RAB30: variants seen among roughly 807,000 people sequenced by gnomAD.
RAB30 encodes the protein ras-related protein Rab-30.
In RAB30, 9 loss-of-function variants were observed where a neutral mutation model predicts 25.1. That is an observed-to-expected ratio of 0.36 (90% CI 0.22 to 0.63). The LOEUF (loss-of-function observed/expected upper bound fraction) is 0.63. Among genes scored for constraint, RAB30 ranks in the 20% least tolerant of loss-of-function variants. The pLI, the probability that RAB30 is intolerant of heterozygous loss-of-function variation, is 0.69. For synonymous variants in RAB30, 77 were observed against 86.4 expected (o/e 0.89, Z 0.60); for missense variants, 140 against 243.5 (o/e 0.58, Z 2.83).
At chr11:83,039,491 C>T (rs1384725017) in intron 1 of RAB30, among the ~76,000 whole-genome samples, 2 of 152,122 alleles carry the variant, frequency 1.3e-5, no homozygotes, top group Non-Finnish European at 2.9e-5. Context: ...CCAGCCTGGG[C>T]AACATGGCAA....
At chr11:83,014,646 GAA>G (rs1274942731) in intron 1 of RAB30, among the ~76,000 whole-genome samples, 8 of 109,466 alleles carry the variant, frequency 7.3e-5, no homozygotes, top group African/African-American at 3.0e-4. Flanking sequence ...AAGAAAGAAA[GAA>G]AGAAAGAAAG....
chr11:82,997,500 G>A (rs1253849456), intron 1 of RAB30, 176 bp from the exon 2 acceptor site: 8 of 574,372 alleles, frequency 1.4e-5, no homozygotes, highest in African/African-American at 3.8e-5. Context: ...GGTCACAGAC[G>A]GACTTTATTC....
intron 1 of RAB30, among the ~76,000 whole-genome samples, chr11:83,065,196 TG>T (rs1858667630): frequency 6.6e-6 from 1 of 152,058 alleles, no homozygotes; most frequent in Non-Finnish European, 1.5e-5. Flanking sequence ...AAGACTAGCC[TG>T]GGCAACATAG....
Position 82,986,287 on chromosome 11 carries a change from C to G in RAB30, c.361+1300G>C, listed in dbSNP as rs548040317. Among the ~76,000 whole-genome samples the G allele has an allele frequency of 9.9e-5, 15 of 152,272 alleles. No homozygotes were observed. The South Asian group carries it at 3.1e-3, about 32-fold the overall frequency. On this transcript the variant is annotated intron_variant, in intron 4 of 4. Transcript: ENST00000527633. ...GGTCATGAGTTGGTAACTGTGAAAGCTGGGAGATGTGTAGAAGGGGATTCA... is the reference window on the plus strand; with the variant it reads ...GGTCATGAGTTGGTAACTGTGAAAGGTGGGAGATGTGTAGAAGGGGATTCA...
intron 1 of RAB30, among the ~76,000 whole-genome samples, chr11:83,067,246 G>A (rs1261956668): frequency 1.3e-5 from 2 of 152,142 alleles, no homozygotes; most frequent in Admixed American, 1.3e-4. Flanking sequence ...CATGGTGCAT[G>A]GAAAACTGTT....
In RAB30 at chr11:83,071,742, G is replaced by A. The variant is rs957239262; in HGVS notation, c.-60C>T. 1.7e-5 allele frequency: 4 copies of A among 232,690 alleles called. No homozygotes were observed. Among genetic ancestry groups the A allele is most frequent in the Non-Finnish European group, 3.3e-5 (4 of 121,224 alleles). 14.4% of individuals were successfully genotyped at this position (232,690 alleles called of 1,614,324 possible). A position where few individuals can be genotyped will look rare whatever the true frequency, so the allele number is the denominator to read the frequency against. The stretch of plus-strand genomic sequence containing the variant: ...CAGGCATAAACAGAAATGGATGTGC[G>A]AATGAGTCACGCACGCAAGGGAAGG... On this transcript the variant is annotated 5_prime_UTR_variant, in exon 1 of 5. Coordinates refer to ENST00000527633, the MANE Select transcript of RAB30 (RefSeq NM_001286060.2).
At chr11:82,991,147 G>A (rs1056455743) in intron 3 of RAB30, among the ~76,000 whole-genome samples, 4 of 152,070 alleles carry the variant, frequency 2.6e-5, no homozygotes, top group Admixed American at 6.6e-5. Flanking sequence ...GGGAAAGCCC[G>A]CAAACTACTA....
intron 1 of RAB30, among the ~76,000 whole-genome samples, chr11:83,020,508 T>C (rs1339240759): frequency 6.6e-6 from 1 of 152,230 alleles, no homozygotes; most frequent in East Asian, 1.9e-4. Flanking sequence ...CTGTTATGCC[T>C]GTTGCCACAA....
intron 1 of RAB30, among the ~76,000 whole-genome samples, chr11:83,052,700 A>G (rs1394499854): frequency 6.6e-6 from 1 of 152,220 alleles, no homozygotes; most frequent in Non-Finnish European, 1.5e-5. Flanking sequence ...TCTTAATCTT[A>G]TAGTTCAAGG....
At chr11:82,984,272 T>C (rs1462208922) in intron 4 of RAB30, among the ~76,000 whole-genome samples, 4 of 152,194 alleles carry the variant, frequency 2.6e-5, no homozygotes, top group African/African-American at 9.6e-5. Flanking sequence ...GGTGACTTCA[T>C]TTGAAGAGAC....
At chr11:83,029,594 C>T (rs1253977082) in intron 1 of RAB30, among the ~76,000 whole-genome samples, 1 of 152,052 alleles carries the variant, frequency 6.6e-6, no homozygotes, top group African/African-American at 2.4e-5. Flanking sequence ...ACAAATTCTA[C>T]ATCATATCAT....
At chr11:83,030,388 C>T (rs1857827260) in intron 1 of RAB30, among the ~76,000 whole-genome samples, 1 of 151,450 alleles carries the variant, frequency 6.6e-6, no homozygotes, top group African/African-American at 2.4e-5. Flanking sequence ...GTCCCAGCTT[C>T]TTGGGAGCCT....
chr11:83,058,257 G>A (rs1014409169), intron 1 of RAB30, among the ~76,000 whole-genome samples: 3 of 152,036 alleles, frequency 2.0e-5, no homozygotes, highest in Non-Finnish European at 4.4e-5. Flanking sequence ...TCAAAATCAG[G>A]AAATTAACAT....
chr11:82,983,162 AT>A (rs1428695234), intron 4 of RAB30, among the ~76,000 whole-genome samples: 3 of 152,094 alleles, frequency 2.0e-5, no homozygotes, highest in African/African-American at 4.8e-5. Flanking sequence ...CATTTTATTT[AT>A]TTTTTTAATA....
At chr11:83,021,527 C>T (rs771312448) in intron 1 of RAB30, among the ~76,000 whole-genome samples, 4 of 152,212 alleles carry the variant, frequency 2.6e-5, no homozygotes, top group Admixed American at 6.5e-5. Flanking sequence ...TTGAGCTGCC[C>T]GCCCGGCAGC....
At chr11:83,006,088 G>A (rs1321883821) in intron 1 of RAB30, among the ~76,000 whole-genome samples, 1 of 152,042 alleles carries the variant, frequency 6.6e-6, no homozygotes, top group Non-Finnish European at 1.5e-5. Context: ...ATCCTGTACT[G>A]GTGACACTAT....
intron 1 of RAB30, among the ~76,000 whole-genome samples, chr11:83,008,752 G>A (rs1857240491): frequency 6.6e-6 from 1 of 151,988 alleles, no homozygotes; most frequent in Non-Finnish European, 1.5e-5. Flanking sequence ...ATACACCCCT[G>A]CTTAACCCCT....
At chr11:83,020,796 T>C (rs1213971312) in intron 1 of RAB30, among the ~76,000 whole-genome samples, 3 of 152,168 alleles carry the variant, frequency 2.0e-5, no homozygotes, top group Non-Finnish European at 4.4e-5. Flanking sequence ...CTACCTTCTC[T>C]GCTGAGAGCT....
At chr11:82,998,077 A>G (rs939771586) in intron 1 of RAB30, among the ~76,000 whole-genome samples, 1 of 152,162 alleles carries the variant, frequency 6.6e-6, no homozygotes, top group African/African-American at 2.4e-5. Flanking sequence ...AAATAAAGTT[A>G]AACACTTTCA....
Sources: gnomAD v4.1 joint callset for allele counts (sites outside exome capture counted in the v4.1 genomes callset) on GRCh38, gnomAD v4.1.1 for gene constraint, MANE v1.5 for transcripts, NCBI Gene and HGNC (gene_info 2026-07-23, HGNC 2026-07-21) for gene names.